The following CEP41 variants were observed in gnomAD, a reference collection of about 807,000 sequenced individuals.
CEP41 encodes the protein centrosomal protein of 41 kDa.
CEP41 carries 32 observed loss-of-function variants against 44.3 expected under a neutral mutation model. That is an observed-to-expected ratio of 0.72 (90% CI 0.54 to 0.97). CEP41 has a LOEUF of 0.97. CEP41 is among the 50% of genes least tolerant of loss of function. CEP41 has a pLI of 0.00. For synonymous variants in CEP41, 151 were observed against 168.5 expected, an observed-to-expected ratio of 0.90 and a Z score of 0.80; for missense variants, 432 against 455.2, an observed-to-expected ratio of 0.95 and a Z score of 0.46.
At chr7:130,399,743 C>A in intron 10 of CEP41, 1 of 332,652 alleles carries the variant, frequency 3.0e-6, no homozygotes, top group Non-Finnish European at 5.7e-6. Flanking sequence ...TCGCTTGAAC[C>A]GGGGAGACGG....
intron 2 of CEP41, 121 bp downstream of exon 2, chr7:130,427,834 G>C: frequency 1.5e-6 from 1 of 679,844 alleles, no homozygotes; most frequent in Non-Finnish European, 2.6e-6. Flanking sequence ...AGCCGAGAAA[G>C]ACATCAGGCA....
chr7:130,432,181 A>G (rs1039273685), intron 1 of CEP41, among the ~76,000 whole-genome samples: 1 of 152,176 alleles, frequency 6.6e-6, no homozygotes, highest in Non-Finnish European at 1.5e-5. Context: ...ATTGGAGAAT[A>G]TGAGTCAAGA....
At chr7:130,420,771 CAATAAATAAATA>C (rs544057989) in intron 2 of CEP41, 16 of 523,208 alleles carry the variant, frequency 3.1e-5, no homozygotes, top group Middle Eastern at 1.0e-3. Context: ...GACTTCATCT[CAATAAATAAATA>C]AATAAATAAA....
At position 130,401,797 on chromosome 7, in the gene CEP41, T is replaced by C. The variant is rs17164953; in HGVS notation, c.642+84A>G. 0.019 allele frequency: 17,444 copies of C among 921,760 alleles called. 241 individuals are homozygous for C. Among genetic ancestry groups the C allele is most frequent in the South Asian group, 0.037 (2,846 of 76,238 alleles). The allele number at this position is 921,760 out of a possible 1,614,324, so 57.1% of individuals were successfully genotyped here. On this transcript the variant is annotated intron_variant, in intron 8 of 10. Coordinates refer to ENST00000223208, the MANE Select transcript of CEP41 (RefSeq NM_018718.3). ...ATAATATCAAAGGTCCTTCACAGCA[T>C]TCTTACCAGGAGCGTGGTTCATGAT...
At chr7:130,419,638 T>C in intron 2 of CEP41, 1 of 984,844 alleles carries the variant, frequency 1.0e-6, no homozygotes, top group Non-Finnish European at 1.2e-6. Context: ...TAAGACTTTT[T>C]GATCAAAAAG....
chr7:130,414,378 C>T (rs1307251338), intron 3 of CEP41, among the ~76,000 whole-genome samples: 1 of 152,180 alleles, frequency 6.6e-6, no homozygotes, highest in Non-Finnish European at 1.5e-5. Context: ...TGATTGCCAC[C>T]AACTTGCCCA....
chr7:130,407,573 C>T (rs924235868), intron 5 of CEP41, among the ~76,000 whole-genome samples: 4 of 152,050 alleles, frequency 2.6e-5, no homozygotes, highest in African/African-American at 9.7e-5. Context: ...TCAATACATC[C>T]ATATCACAAA....
chr7:130,433,709 T>C (rs1042171951), intron 1 of CEP41, among the ~76,000 whole-genome samples: 1 of 152,246 alleles, frequency 6.6e-6, no homozygotes, highest in Non-Finnish European at 1.5e-5. Flanking sequence ...GGAAGATTCC[T>C]CTGAAGGCCT....
Position 130,427,910 on chromosome 7 carries a change from A to C in CEP41, c.97+45T>G, listed in dbSNP as rs782033478. 7.0e-6 allele frequency: 9 copies of C among 1,286,142 alleles called. 1 individual carries two copies. The highest frequency in any genetic ancestry group is 1.0e-5 in the Non-Finnish European group (9 of 883,894). The allele number at this position is 1,286,142 out of a possible 1,614,324, so 79.7% of individuals were successfully genotyped here. A position where few individuals can be genotyped will look rare whatever the true frequency, so the allele number is the denominator to read the frequency against. On this transcript the variant is annotated intron_variant, in intron 2 of 10. Coordinates refer to ENST00000223208, the MANE Select transcript of CEP41 (RefSeq NM_018718.3). ...GTGGGGTTGCTTTCTGTCAATAATT[A>C]GCTATTAGATTTTTTTTAATTCTAA...
In CEP41 at chr7:130,416,957, A is replaced by T. The variant is rs368178632; in HGVS notation, c.107T>A (p.Met36Lys). 6.3e-7 allele frequency: 1 copy of T among 1,581,444 alleles called. No homozygotes were observed. The highest frequency in any genetic ancestry group is 2.2e-5 in the East Asian group (1 of 44,740). Residue 36 changes from methionine (M) to lysine (K), a missense_variant, in exon 3 of 11, where the codon ATG becomes AAG. By Grantham distance (95) the Met-to-Lys change is moderately conservative. Coordinates refer to ENST00000223208, the MANE Select transcript of CEP41 (RefSeq NM_018718.3). ...IKSRLDTGNS[M>K]TKYTEKLEEI... ...TTCGAGCTTCTCAGTATATTTAGTC[A>T]TACTGTTACCTAAAAAGAAAATAAG... is the stretch of plus-strand genomic sequence containing the variant.
At chr7:130,420,328 C>CA (rs35795256) in intron 2 of CEP41, 24,539 of 78,090 alleles carry the variant, frequency 0.31, 4,223 homozygotes, top group East Asian at 0.46. Context: ...GACTCTATCT[C>CA]AAAAAAAAAA....
At chr7:130,405,405 C>G (rs937984584) in intron 5 of CEP41, among the ~76,000 whole-genome samples, 2 of 152,214 alleles carry the variant, frequency 1.3e-5, no homozygotes, top group Non-Finnish European at 2.9e-5. Flanking sequence ...ACTAAATAAG[C>G]CTGTTTGTTA....
intron 2 of CEP41, among the ~76,000 whole-genome samples, chr7:130,425,838 T>C (rs564865632): frequency 1.3e-5 from 2 of 152,274 alleles, no homozygotes; most frequent in Non-Finnish European, 2.9e-5. Flanking sequence ...ATTACTGATA[T>C]ATGCAACAAC....
At chr7:130,424,756 A>G (rs1182127933) in intron 2 of CEP41, among the ~76,000 whole-genome samples, 7 of 152,152 alleles carry the variant, frequency 4.6e-5, no homozygotes, top group Non-Finnish European at 1.0e-4. Flanking sequence ...AAAAAAAATC[A>G]TGGTAGAAAA....
In CEP41 at chr7:130,396,589, T is replaced by TAATG. The variant is rs1562972955; in HGVS notation, c.*2301_*2302insCATT. On this transcript the variant is annotated 3_prime_UTR_variant, in exon 11 of 11. Transcript: ENST00000223208. ...TCATAATTGCACAAAGCATCACTGG[T>TAATG]CATTTAAATAATACATGTCAATTAA... 1 of 454,550 alleles carries TAATG rather than the reference T, an allele frequency of 2.2e-6. No individual in the cohort carries two copies. The highest frequency in any genetic ancestry group is 4.4e-6 in the Non-Finnish European group (1 of 226,798). The allele number at this position is 454,550 out of a possible 1,614,324, so 28.2% of individuals were successfully genotyped here. A position where few individuals can be genotyped will look rare whatever the true frequency, so the allele number is the denominator to read the frequency against.
chr7:130,404,898 C>G (rs1796964061), intron 5 of CEP41, among the ~76,000 whole-genome samples, 190 bp from the exon 6 acceptor site: 1 of 152,178 alleles, frequency 6.6e-6, no homozygotes, highest in South Asian at 2.1e-4. Flanking sequence ...AGGGGATCTG[C>G]AAGGTAAAAA....
chr7:130,433,082 G>A (rs73152892), intron 1 of CEP41, among the ~76,000 whole-genome samples: 3,172 of 152,270 alleles, frequency 0.021, 38 homozygotes, highest in Non-Finnish European at 0.031. Context: ...GGTCAAGTAT[G>A]AACAAGTGAA....
At position 130,412,224 on chromosome 7, in the gene CEP41, T is replaced by A. The variant is rs1164943584; in HGVS notation, c.162A>T (p.Lys54Asn). Residue 54 changes from lysine to asparagine, a missense_variant, in exon 4 of 11, where the codon AAA (lysine) becomes AAT (asparagine). Coordinates refer to ENST00000223208, the MANE Select transcript of CEP41 (RefSeq NM_018718.3). ...EEIKKNYRYK[K>N]DELFKRLKVT... ...CTTTTAGTCTCTTGAAAAGCTCATCTTTTTTGTATCTATAATCTGAAAAAT... is the reference window on the plus strand; with the variant it reads ...CTTTTAGTCTCTTGAAAAGCTCATCATTTTTGTATCTATAATCTGAAAAAT... The A allele has an allele frequency of 1.1e-5, 17 of 1,541,484 alleles. No individual in the cohort carries two copies. Among genetic ancestry groups the A allele is most frequent in the Admixed American group, 1.7e-5 (1 of 59,852 alleles).
intron 1 of CEP41, among the ~76,000 whole-genome samples, chr7:130,429,612 AG>A (rs1797767062): frequency 1.3e-5 from 2 of 152,152 alleles, no homozygotes. Context: ...CCCATGTTGA[AG>A]TTGCTGGGAA....
Sources: gnomAD v4.1 joint callset for allele counts (sites outside exome capture counted in the v4.1 genomes callset) on GRCh38, gnomAD v4.1.1 for gene constraint, MANE v1.5 for transcripts, NCBI Gene and HGNC (gene_info 2026-07-23, HGNC 2026-07-21) for gene names.